Variants in IKZF2 observed in about 807,000 individuals in gnomAD.
IKZF2 encodes the protein IKAROS family zinc finger 2.
A neutral mutation model predicts 49.2 loss-of-function variants in IKZF2; 15 were observed. The observed-to-expected ratio is 0.30, with a 90% confidence interval of 0.20 to 0.47. The LOEUF is 0.47. Ranked by LOEUF, IKZF2 falls within the 20% of genes least tolerant of loss-of-function variation. The pLI is 1.00. For missense variants in IKZF2, 567 were observed against 664.6 expected, an observed-to-expected ratio of 0.85 and a Z score of 1.61; for synonymous variants, 227 against 221.4, an observed-to-expected ratio of 1.03 and a Z score of -0.23.
chr2:213,145,345 T>G (rs1559331502), intron 4 of IKZF2, among the ~76,000 whole-genome samples: 1 of 152,118 alleles, frequency 6.6e-6, no homozygotes, highest in East Asian at 1.9e-4. Flanking sequence ...ATTCTGTTTT[T>G]GGAAGCAGGC....
At chr2:213,063,713 T>A (rs1354431308) in intron 4 of IKZF2, among the ~76,000 whole-genome samples, 1 of 152,048 alleles carries the variant, frequency 6.6e-6, no homozygotes. Flanking sequence ...ATTGAAAGGA[T>A]ACAAGTTAGT....
At chr2:213,041,813 AC>A (rs1296210962) in intron 6 of IKZF2, among the ~76,000 whole-genome samples, 1 of 152,182 alleles carries the variant, frequency 6.6e-6, no homozygotes, top group Non-Finnish European at 1.5e-5. Context: ...CACTGTGAAG[AC>A]TCAATATAAA....
chr2:213,115,752 C>A lies in IKZF2; in HGVS notation c.139+31956G>T, dbSNP rs117459647. Among the ~76,000 whole-genome samples the A allele has an allele frequency of 1.1e-4, 16 of 152,262 alleles. No individual in the cohort carries two copies. In the East Asian group the frequency reaches 2.9e-3, roughly 28 times the overall value. ...AATTGGTATTAGACCAAGTTTTTCC[C>A]GTCAAAACCAAAAGACAATGGAAAT... On this transcript the variant is annotated intron_variant, in intron 4 of 8. Coordinates refer to ENST00000434687, the MANE Select transcript of IKZF2 (RefSeq NM_001387220.1).
chr2:213,072,368 A>C (rs1393553883), intron 4 of IKZF2, among the ~76,000 whole-genome samples: 3 of 151,616 alleles, frequency 2.0e-5, no homozygotes, highest in Admixed American at 6.6e-5. Context: ...TTCTTTAAAA[A>C]CTCATTTTGT....
intron 4 of IKZF2, among the ~76,000 whole-genome samples, chr2:213,125,307 T>G (rs909736503): frequency 6.6e-6 from 1 of 152,214 alleles, no homozygotes; most frequent in Non-Finnish European, 1.5e-5. Context: ...TCCTAGTTCC[T>G]AATAGAGTTT....
chr2:213,143,193 T>C (rs2060931629), intron 4 of IKZF2, among the ~76,000 whole-genome samples: 1 of 151,968 alleles, frequency 6.6e-6, no homozygotes, highest in African/African-American at 2.4e-5. Context: ...GAAAATTCAT[T>C]ATGGCTTACA....
chr2:213,041,554 G>A (rs577506217), intron 6 of IKZF2, among the ~76,000 whole-genome samples: 27 of 151,964 alleles, frequency 1.8e-4, no homozygotes, highest in Admixed American at 1.4e-3. Flanking sequence ...CGCCCACCTC[G>A]GCCTCCCAAA....
At chr2:213,022,354 A>G (rs1697320306) in intron 6 of IKZF2, among the ~76,000 whole-genome samples, 1 of 152,198 alleles carries the variant, frequency 6.6e-6, no homozygotes, top group African/African-American at 2.4e-5. Context: ...GGAAATACTG[A>G]ATCAAATTCT....
At chr2:213,045,571 C>T (rs1700072118) in intron 6 of IKZF2, among the ~76,000 whole-genome samples, 1 of 152,196 alleles carries the variant, frequency 6.6e-6, no homozygotes, top group Admixed American at 6.5e-5. Flanking sequence ...TGACATTACA[C>T]TGAGTGAACT....
chr2:213,093,133 A>C (rs951533850), intron 4 of IKZF2, among the ~76,000 whole-genome samples: 3 of 152,152 alleles, frequency 2.0e-5, no homozygotes, highest in African/African-American at 4.8e-5. Flanking sequence ...TCTTCTCCCC[A>C]CCCAACACCT....
intron 4 of IKZF2, among the ~76,000 whole-genome samples, chr2:213,097,013 G>GT (rs1233500671): frequency 1.3e-5 from 2 of 151,744 alleles, no homozygotes; most frequent in African/African-American, 2.4e-5. Flanking sequence ...GATTACAAAA[G>GT]TTTTTTTGAA....
intron 6 of IKZF2, among the ~76,000 whole-genome samples, chr2:213,031,385 C>T (rs1391940620): frequency 6.6e-6 from 1 of 152,114 alleles, no homozygotes; most frequent in African/African-American, 2.4e-5. Context: ...AGGACACAAA[C>T]ACCAGGAAAA....
chr2:213,109,983 A>G (rs2059648378), intron 4 of IKZF2, among the ~76,000 whole-genome samples: 1 of 152,040 alleles, frequency 6.6e-6, no homozygotes, highest in African/African-American at 2.4e-5. Context: ...AATATACACA[A>G]TAAATAAAAC....
intron 4 of IKZF2, among the ~76,000 whole-genome samples, chr2:213,057,714 T>C (rs185629541): frequency 1.2e-4 from 18 of 152,296 alleles, no homozygotes; most frequent in Admixed American, 9.8e-4. Flanking sequence ...AGACCTCACA[T>C]GCTCTTAAGT....
rs1696260314 is a variant in IKZF2 at position 213,013,854 on chromosome 2, C to T, written c.793G>A (p.Val265Ile). ...ISLVPFERPA[V>I]IEKLTGNMGK... ...ATATTCCCCGTGAGCTTCTCTATGA[C>T]AGCAGGTCTCTCAAAAGGCACCAGA... The change falls in exon 8 of 9, where the codon GTC becomes ATC. Residue 265 changes from valine to isoleucine, a missense_variant. Physicochemically the swap from Val to Ile is conservative, Grantham distance 29. This residue lies in a region of IKZF2 where 310 missense variants were observed against 326.9 expected (regional missense o/e 0.95). Transcript: ENST00000434687. The T allele has an allele frequency of 6.2e-7, 1 of 1,612,140 alleles. No individual in the cohort carries two copies. Among genetic ancestry groups the T allele is most frequent in the Non-Finnish European group, 8.5e-7 (1 of 1,178,568 alleles).
At chr2:213,044,667 C>T (rs916595000) in intron 6 of IKZF2, among the ~76,000 whole-genome samples, 1 of 152,118 alleles carries the variant, frequency 6.6e-6, no homozygotes, top group Admixed American at 6.5e-5. Flanking sequence ...CCCTAAGGAG[C>T]ACACAAAGGT....
At chr2:213,129,818 G>C (rs1054611538) in intron 4 of IKZF2, among the ~76,000 whole-genome samples, 2 of 152,172 alleles carry the variant, frequency 1.3e-5, no homozygotes, top group Admixed American at 1.3e-4. Context: ...TAGCGGGCCT[G>C]GTGAGAATTG....
intron 7 of IKZF2, among the ~76,000 whole-genome samples, chr2:213,016,061 T>C (rs1039022958): frequency 6.6e-6 from 1 of 152,176 alleles, no homozygotes; most frequent in South Asian, 2.1e-4. Context: ...GGCAGAGTTC[T>C]GATCTAATTT....
At chr2:213,046,852 A>T (rs898450053) in intron 6 of IKZF2, among the ~76,000 whole-genome samples, 1 of 152,136 alleles carries the variant, frequency 6.6e-6, no homozygotes, top group African/African-American at 2.4e-5. Flanking sequence ...CTTACCTGGT[A>T]CTTTCTCAGT....
Sources: allele counts gnomAD v4.1 joint callset (sites outside exome capture counted in the v4.1 genomes callset), GRCh38; gene constraint gnomAD v4.1.1; regional missense constraint gnomAD v4.1.1; transcripts MANE v1.5; gene names NCBI Gene and HGNC (gene_info 2026-07-23, HGNC 2026-07-21).